The following KDM4A variants were observed in gnomAD, a reference collection of about 807,000 sequenced individuals.
The protein encoded by KDM4A is lysine-specific demethylase 4A.
In KDM4A, 23 loss-of-function variants were observed where a neutral mutation model predicts 127.1. The ratio of observed to expected loss-of-function variants is 0.18; its 90% confidence interval spans 0.13 to 0.26. The LOEUF (loss-of-function observed/expected upper bound fraction) is 0.26, where lower values mean the gene tolerates loss of function less well. KDM4A is among the 10% of genes least tolerant of loss of function. KDM4A has a pLI of 1.00. For synonymous variants in KDM4A, 443 were observed against 466.5 expected (o/e 0.95, Z 0.65); for missense variants, 890 against 1,329.1 (o/e 0.67, Z 5.14).
intron 12 of KDM4A, among the ~76,000 whole-genome samples, chr1:43,685,660 C>T (rs1264444625): frequency 5.3e-5 from 8 of 152,034 alleles, no homozygotes; most frequent in African/African-American, 1.7e-4. Flanking sequence ...CCCAGCTACT[C>T]GGGAGGCTGA....
At chr1:43,681,450 C>A (rs1053067528) in intron 11 of KDM4A, among the ~76,000 whole-genome samples, 2 of 152,194 alleles carry the variant, frequency 1.3e-5, no homozygotes, top group Non-Finnish European at 2.9e-5. Context: ...AACCCCCAGT[C>A]TGAATTTCTT....
Position 43,671,604 on chromosome 1 carries a change from T to C in KDM4A, c.1463T>C (p.Leu488Pro). The change falls in exon 11 of 22, where the codon CTT (leucine) becomes CCT (proline). Residue 488 changes from leucine (L) to proline (P), a missense_variant. By Grantham distance (98) the Leu-to-Pro change is moderately conservative. This residue lies in a region of KDM4A where 389 missense variants were observed against 485.9 expected (regional missense o/e 0.80). Coordinates refer to ENST00000372396, the MANE Select transcript of KDM4A (RefSeq NM_014663.3). ...EEEQAAAALDLSVNPASVGGR... is the reference protein window; with the variant it reads ...EEEQAAAALDPSVNPASVGGR... ...GAACAAGCAGCAGCTGCCTTGGATC[T>C]TTCTGTGAATCCTGCGTCTGTAGGG... 2 of 1,612,958 alleles carry C rather than the reference T, an allele frequency of 1.2e-6. No homozygotes were observed. Among genetic ancestry groups the C allele is most frequent in the South Asian group, 1.1e-5 (1 of 90,868 alleles).
At position 43,704,456 on chromosome 1, in the gene KDM4A, C is replaced by A. The variant is rs1022502089; in HGVS notation, c.*86C>A. 7.6e-5 allele frequency: 102 copies of A among 1,348,138 alleles called. No individual in the cohort carries two copies. The highest frequency in any genetic ancestry group is 1.4e-4 in the Admixed American group (6 of 44,372). 83.5% of individuals were successfully genotyped at this position (1,348,138 alleles called of 1,614,324 possible). A position where few individuals can be genotyped will look rare whatever the true frequency, so the allele number is the denominator to read the frequency against. On this transcript the variant is annotated 3_prime_UTR_variant, in exon 22 of 22. Transcript: ENST00000372396. ...CACAGCAGACATGGAACGCTGAAGTCTCTGAAAGTGAAGTTGTAAAAAGAA... is the reference window on the plus strand; with the variant it reads ...CACAGCAGACATGGAACGCTGAAGTATCTGAAAGTGAAGTTGTAAAAAGAA...
intron 20 of KDM4A, 28 bp from the exon 21 acceptor site, chr1:43,703,992 A>G: frequency 6.3e-7 from 1 of 1,596,790 alleles, no homozygotes; most frequent in Non-Finnish European, 8.6e-7. Flanking sequence ...GGGATATCCT[A>G]GCCAAAAGGC....
chr1:43,669,031 G>A (rs1442359902), intron 9 of KDM4A, 69 bp from the exon 10 acceptor site: 16 of 1,514,326 alleles, frequency 1.1e-5, no homozygotes, highest in Non-Finnish European at 1.5e-5. Flanking sequence ...GTGTGTGGAT[G>A]TGTATGAATG....
Position 43,688,261 on chromosome 1 carries a change from T to G in KDM4A, c.1856-653T>G, listed in dbSNP as rs1371917783. On this transcript the variant is annotated intron_variant, in intron 12 of 21. Transcript: ENST00000372396. The surrounding 1 kb of genome is among the most constrained non-coding windows in gnomAD (Gnocchi z 4.4). ...TCTTAGCTTCCTCAGTGGGCTGGAT[T>G]CAGCCTGCAGGATATTGTTTGCCAG... is the stretch of plus-strand genomic sequence containing the variant. Among the ~76,000 whole-genome samples the G allele has an allele frequency of 5.3e-5, 8 of 152,168 alleles. No individual in the cohort carries two copies. Among genetic ancestry groups the G allele is most frequent in the Non-Finnish European group, 1.2e-4 (8 of 68,030 alleles).
chr1:43,651,162 T>C (rs1660106386), intron 1 of KDM4A, among the ~76,000 whole-genome samples: 1 of 152,250 alleles, frequency 6.6e-6, no homozygotes, highest in African/African-American at 2.4e-5. Flanking sequence ...TGATTGTATG[T>C]TTTTATAAAA....
intron 11 of KDM4A, among the ~76,000 whole-genome samples, chr1:43,678,324 TCA>T (rs1444154644): frequency 1.3e-5 from 2 of 151,914 alleles, no homozygotes; most frequent in Non-Finnish European, 1.5e-5. Context: ...AAGAACAGTT[TCA>T]CAGTGTGGGG....
At chr1:43,673,203 G>A (rs1483482086) in intron 11 of KDM4A, among the ~76,000 whole-genome samples, 1 of 152,066 alleles carries the variant, frequency 6.6e-6, no homozygotes, top group African/African-American at 2.4e-5. Context: ...CCCCAGCCTT[G>A]GAGCTTATGT....
chr1:43,660,168 A>T, intron 3 of KDM4A, 130 bp from the exon 4 acceptor site: 1 of 1,006,132 alleles, frequency 9.9e-7, no homozygotes, highest in Non-Finnish European at 1.5e-6. Flanking sequence ...AGAGCCTTGA[A>T]GGCCAAGATT....
chr1:43,692,120 G>T lies in KDM4A; in HGVS notation c.2320-136G>T, dbSNP rs1661131787. On this transcript the variant is annotated intron_variant, in intron 15 of 21. Coordinates refer to ENST00000372396, the MANE Select transcript of KDM4A (RefSeq NM_014663.3). ...GACAGGGCGTCCTGGTGCAGGGGCT[G>T]CCTGGGTGAAGCCCCACATGCTATT... 3.7e-6 allele frequency: 3 copies of T among 804,026 alleles called. No homozygotes were observed. In the South Asian group the frequency reaches 4.3e-5, roughly 11 times the overall value. The allele number at this position is 804,026 out of a possible 1,614,324, so 49.8% of individuals were successfully genotyped here.
intron 11 of KDM4A, among the ~76,000 whole-genome samples, chr1:43,673,362 A>G (rs886443092): frequency 5.9e-5 from 9 of 152,328 alleles, no homozygotes; most frequent in South Asian, 2.1e-4. Flanking sequence ...CGTACAAAAT[A>G]CCATCACGAG....
At chr1:43,668,638 C>G (rs1660553305) in intron 9 of KDM4A, among the ~76,000 whole-genome samples, 1 of 152,102 alleles carries the variant, frequency 6.6e-6, no homozygotes, top group East Asian at 1.9e-4. Context: ...GTCATGTTTT[C>G]TCATCATATC....
chr1:43,656,729 A>G (rs970491638), intron 3 of KDM4A, among the ~76,000 whole-genome samples: 5 of 141,070 alleles, frequency 3.5e-5, no homozygotes, highest in African/African-American at 1.3e-4. Flanking sequence ...TGACTACTCC[A>G]TCTTTTTTTT....
rs1661500283 is a variant in KDM4A at position 43,704,567 on chromosome 1, G to A, written c.*197G>A. ...GAAAGGACGAGCCATTTCTGGGCAC[G>A]TGGCAGCAGTCGCTGATCTCCCAGC... On this transcript the variant is annotated 3_prime_UTR_variant, in exon 22 of 22. Transcript: ENST00000372396. The A allele has an allele frequency of 1.3e-5, 8 of 597,342 alleles. No individual in the cohort carries two copies. Among genetic ancestry groups the A allele is most frequent in the South Asian group, 6.3e-5 (3 of 47,974 alleles). 37.0% of individuals were successfully genotyped at this position (597,342 alleles called of 1,614,324 possible).
intron 21 of KDM4A, 47 bp downstream of exon 21, chr1:43,704,159 A>G (rs1199820259): frequency 3.1e-6 from 5 of 1,612,494 alleles, no homozygotes; most frequent in Non-Finnish European, 4.2e-6. Context: ...GAGGGAGGGA[A>G]CAAGTCAAGG....
chr1:43,664,883 G>C (rs1052286985), intron 5 of KDM4A, among the ~76,000 whole-genome samples: 2 of 152,180 alleles, frequency 1.3e-5, no homozygotes. Context: ...AGGGTTGCCT[G>C]ATGGATCCCA....
intron 12 of KDM4A, among the ~76,000 whole-genome samples, chr1:43,684,862 G>C (rs1237413676): frequency 1.3e-5 from 2 of 152,194 alleles, no homozygotes; most frequent in Non-Finnish European, 2.9e-5. Flanking sequence ...GCAATATGAA[G>C]GTCTGAAGTA....
Position 43,694,099 on chromosome 1 carries a change from A to G in KDM4A, c.2481A>G (p.Lys827=). The change falls in exon 17 of 22, where the codon AAA becomes AAG. Residue 827 remains lysine (K), a synonymous_variant. Coordinates refer to ENST00000372396, the MANE Select transcript of KDM4A (RefSeq NM_014663.3). This position sits in a 1 kb window ranked among gnomAD's most constrained non-coding sequence, Gnocchi z 5.2. The part of the protein sequence containing the change: ...DVSKIPLPRF[K]LKCIFCKKRR... ...GCAAAATCCCCCTGCCCCGCTTCAA[A>G]CTGGTAAGGGCTTGTAGACTCTACA... The G allele has an allele frequency of 6.2e-7, 1 of 1,611,752 alleles. No homozygotes were observed. Among genetic ancestry groups the G allele is most frequent in the Non-Finnish European group, 8.5e-7 (1 of 1,177,820 alleles).
Sources: allele counts gnomAD v4.1 joint callset (sites outside exome capture counted in the v4.1 genomes callset), GRCh38; gene constraint gnomAD v4.1.1; regional missense constraint gnomAD v4.1.1; non-coding constraint Gnocchi (gnomAD v3.1); transcripts MANE v1.5; gene names NCBI Gene and HGNC (gene_info 2026-07-23, HGNC 2026-07-21).